Variants in USP53 observed in about 807,000 individuals in gnomAD.
USP53 encodes the protein ubiquitin carboxyl-terminal hydrolase 53.
In USP53, 71 loss-of-function variants were observed where a neutral mutation model predicts 94.9. The observed-to-expected ratio is 0.75, with a 90% CI of 0.62 to 0.91. The LOEUF (loss-of-function observed/expected upper bound fraction) is 0.91. Among genes scored for constraint, USP53 ranks in the 40% least tolerant of loss-of-function variants. The pLI, the probability that USP53 is intolerant of heterozygous loss-of-function variation, is 0.00. For synonymous variants in USP53, 375 were observed against 422.7 expected, an observed-to-expected ratio of 0.89 and a Z score of 1.39; for missense variants, 1,173 against 1,281.0, an observed-to-expected ratio of 0.92 and a Z score of 1.29.
chr4:119,249,660 ATTTTT>A (rs142005756), intron 7 of USP53, among the ~76,000 whole-genome samples: 4 of 99,710 alleles, frequency 4.0e-5, no homozygotes, highest in Admixed American at 1.2e-4. Flanking sequence ...TTTATGTCCT[ATTTTT>A]TTTTTTTTTT....
rs374997566 is a variant in USP53 at position 119,271,978 on chromosome 4, C to T, written c.2118C>T (p.Ile706=). Residue 706 remains isoleucine (I), a synonymous_variant, in exon 16 of 19, where the codon ATC becomes ATT. Coordinates refer to ENST00000692078, the MANE Select transcript of USP53 (RefSeq NM_001371395.1). The part of the protein sequence containing the change: ...NGSTNLDSPV[I]DGNGTVMDIS... ...CTACTAATTTGGACTCACCTGTTAT[C>T]GATGGAAATGGTACAGTAATGGATA... The T allele has an allele frequency of 1.4e-4, 229 of 1,612,832 alleles. 1 individual carries two copies. Among genetic ancestry groups the T allele is most frequent in the Non-Finnish European group, 1.7e-4 (206 of 1,179,676 alleles).
chr4:119,288,462 T>C (rs1754354125), intron 17 of USP53, among the ~76,000 whole-genome samples: 1 of 152,184 alleles, frequency 6.6e-6, no homozygotes, highest in African/African-American at 2.4e-5. Context: ...CTAAAAATTG[T>C]GGATATTATT....
At chr4:119,243,502 A>C (rs908937463) in intron 5 of USP53, among the ~76,000 whole-genome samples, 2 of 152,202 alleles carry the variant, frequency 1.3e-5, no homozygotes, top group African/African-American at 2.4e-5. Flanking sequence ...CATCTAAAAA[A>C]TAAATAAATA....
chr4:119,273,653 C>T lies in USP53; in HGVS notation c.2196C>T (p.Asn732=). 6.2e-7 allele frequency: 1 copy of T among 1,612,432 alleles called. No individual in the cohort carries two copies. The highest frequency in any genetic ancestry group is 8.5e-7 in the Non-Finnish European group (1 of 1,179,232). ...VCFSDQITTS[N]LNKERGDCTS... Reference sequence around the variant, plus strand: ...CTAGTGACCAGATTACGACAAGCAACCTAAATAAAGAACGTGGGGACTGTA... The same window carrying T: ...CTAGTGACCAGATTACGACAAGCAATCTAAATAAAGAACGTGGGGACTGTA... Residue 732 remains asparagine, a synonymous_variant, in exon 17 of 19, where the codon AAC becomes AAT. Transcript: ENST00000692078.
intron 7 of USP53, among the ~76,000 whole-genome samples, chr4:119,255,060 C>T (rs761565121): frequency 4.6e-5 from 7 of 152,028 alleles, no homozygotes; most frequent in Admixed American, 1.3e-4. Flanking sequence ...GGAGGCTGCA[C>T]AACAGCAAAT....
chr4:119,227,847 C>T (rs1745534907), intron 3 of USP53, among the ~76,000 whole-genome samples: 1 of 152,146 alleles, frequency 6.6e-6, no homozygotes, highest in Non-Finnish European at 1.5e-5. Context: ...ATTAATCTCC[C>T]TTTACCAGTA....
rs746994992 is a variant in USP53, at chr4:119,273,720, A to T, written c.2251+12A>T. 2.6e-5 allele frequency: 42 copies of T among 1,599,114 alleles called. No homozygotes were observed. Among genetic ancestry groups the T allele is most frequent in the Non-Finnish European group, 3.3e-5 (39 of 1,169,470 alleles). On this transcript the variant is annotated intron_variant, in intron 17 of 18. Coordinates refer to ENST00000692078, the MANE Select transcript of USP53 (RefSeq NM_001371395.1). ...ACATCACTTAGAAGGTAAAAAACTT[A>T]TTTGAATATAATAGTTGCTGTAAAA...
rs1293240233 is a variant in USP53, at chr4:119,294,666, T to G, written c.*1455T>G. 1 of 152,082 alleles carries G rather than the reference T, an allele frequency of 6.6e-6. No homozygotes were observed. The highest frequency in any genetic ancestry group is 2.4e-5 in the African/African-American group (1 of 41,448). 9.4% of individuals were successfully genotyped at this position (152,082 alleles called of 1,614,324 possible). On this transcript the variant is annotated 3_prime_UTR_variant, in exon 19 of 19. Transcript: ENST00000692078. Reference sequence around the variant, plus strand: ...GATTGCGTAAATCGTGTTAAAACATTCTAAAATGTTGTAACTAATTTAATG... The same window carrying G: ...GATTGCGTAAATCGTGTTAAAACATGCTAAAATGTTGTAACTAATTTAATG...
chr4:119,292,560 T>C lies in USP53; in HGVS notation c.2571T>C (p.Asn857=). The C allele has an allele frequency of 6.2e-7, 1 of 1,614,044 alleles. No homozygotes were observed. The highest frequency in any genetic ancestry group is 1.3e-5 in the African/African-American group (1 of 75,042). ...CTTCTGGGAAGAGAGTGAACAGTAA[T>C]GAACCATCTTCATTATGGTCTTCAC... ...NSASGKRVNS[N]EPSSLWSSHL... Residue 857 remains asparagine, a synonymous_variant, in exon 19 of 19, where the codon AAT becomes AAC. Transcript: ENST00000692078.
intron 7 of USP53, among the ~76,000 whole-genome samples, chr4:119,253,746 T>G (rs1749365242): frequency 6.6e-6 from 1 of 152,216 alleles, no homozygotes. Context: ...TATGTGTGAA[T>G]TTGATCCTGT....
chr4:119,245,877 T>C (rs185546700), intron 6 of USP53, among the ~76,000 whole-genome samples: 160 of 152,150 alleles, frequency 1.1e-3, no homozygotes, highest in African/African-American at 3.8e-3. Context: ...AGTTGTAACA[T>C]TGGAAAAATA....
rs564182317 is a variant in USP53 at position 119,280,321 on chromosome 4, T to G, written c.2251+6613T>G. ...GATACTAGCCCTTAAAACTGTGATT[T>G]GAGACCCAGATAGGCAGGAGTATCT... On this transcript the variant is annotated intron_variant, in intron 17 of 18. Coordinates refer to ENST00000692078, the MANE Select transcript of USP53 (RefSeq NM_001371395.1). Among the ~76,000 whole-genome samples the G allele has an allele frequency of 6.6e-5, 10 of 152,258 alleles. No homozygotes were observed. The South Asian group carries it at 1.7e-3, about 25-fold the overall frequency.
chr4:119,273,789 G>A (rs1752183413), intron 17 of USP53, 81 bp downstream of exon 17: 1 of 1,155,192 alleles, frequency 8.7e-7, no homozygotes, highest in Non-Finnish European at 1.2e-6. Context: ...GTATCTGAGA[G>A]AAAATCCTAT....
At chr4:119,289,153 G>A (rs1754455803) in intron 17 of USP53, among the ~76,000 whole-genome samples, 1 of 152,136 alleles carries the variant, frequency 6.6e-6, no homozygotes, top group Non-Finnish European at 1.5e-5. Context: ...CACAGCAAAA[G>A]TGCTTTATGC....
intron 14 of USP53, among the ~76,000 whole-genome samples, chr4:119,268,970 A>C (rs966760378): frequency 1.3e-5 from 2 of 152,196 alleles, no homozygotes; most frequent in Non-Finnish European, 2.9e-5. Flanking sequence ...TCTTGTGTGG[A>C]TGTTCAGGAT....
At position 119,292,525 on chromosome 4, in the gene USP53, G is replaced by A. The variant is rs1397158903; in HGVS notation, c.2536G>A (p.Asp846Asn). 1 of 1,613,980 alleles carries A rather than the reference G, an allele frequency of 6.2e-7. No individual in the cohort carries two copies. The highest frequency in any genetic ancestry group is 8.5e-7 in the Non-Finnish European group (1 of 1,179,926). The change falls in exon 19 of 19, where the codon GAT becomes AAT. Residue 846 changes from aspartate (D) to asparagine (N), a missense_variant. Coordinates refer to ENST00000692078, the MANE Select transcript of USP53 (RefSeq NM_001371395.1). ...SERTGLPFHV[D>N]NSASGKRVNS... ...GAGAACAGGTTTGCCTTTTCACGTT[G>A]ATAACTCTGCTTCTGGGAAGAGAGT...
chr4:119,213,641 G>GATATATATAGAT (rs1743210522), intron 1 of USP53, among the ~76,000 whole-genome samples: 3 of 108,114 alleles, frequency 2.8e-5, no homozygotes, highest in Non-Finnish European at 5.4e-5. Flanking sequence ...TCTGGAAATA[G>GATATATATAGAT]ATATATATAT....
intron 3 of USP53, among the ~76,000 whole-genome samples, chr4:119,224,319 G>A (rs997545153): frequency 3.3e-5 from 5 of 152,128 alleles, no homozygotes; most frequent in African/African-American, 7.2e-5. Context: ...AAACAGAACC[G>A]ATGTATAAAT....
At chr4:119,252,578 T>G (rs1412441341) in intron 7 of USP53, among the ~76,000 whole-genome samples, 2 of 152,202 alleles carry the variant, frequency 1.3e-5, no homozygotes, top group Non-Finnish European at 2.9e-5. Context: ...TCGGTGGTGA[T>G]ATCCCTTTAT....
Sources: gnomAD v4.1 joint callset for allele counts (sites outside exome capture counted in the v4.1 genomes callset) on GRCh38, gnomAD v4.1.1 for gene constraint, MANE v1.5 for transcripts, NCBI Gene and HGNC (gene_info 2026-07-23, HGNC 2026-07-21) for gene names.